The following TCTN1 variants were observed in gnomAD, a reference collection of about 807,000 sequenced individuals.
TCTN1 encodes the protein tectonic-1.
Under a neutral mutation model 65.8 loss-of-function variants are expected in TCTN1, and 58 were observed. The ratio of observed to expected loss-of-function variants is 0.88; its 90% CI spans 0.71 to 1.10. The LOEUF is 1.10. TCTN1 is among the 50% of genes least tolerant of loss of function. The pLI, the probability that TCTN1 is intolerant of heterozygous loss-of-function variation, is 0.00. For synonymous variants in TCTN1, 273 were observed against 289.1 expected, an observed-to-expected ratio of 0.94 and a Z score of 0.57; for missense variants, 645 against 719.4, an observed-to-expected ratio of 0.90 and a Z score of 1.18.
In TCTN1 at chr12:110,618,598, C is replaced by A. The variant is rs373451236; in HGVS notation, c.221-1238C>A. On this transcript the variant is annotated intron_variant, in intron 1 of 14. Transcript: ENST00000397659. ...CCATGTTGGCCAGGGCAGTCTCAAA[C>A]TCCTGACCTCAAGTGATCTGCCCGC... 7.9e-5 allele frequency among the ~76,000 whole-genome samples: 12 copies of A among 152,134 alleles called. 1 individual carries two copies. In the East Asian group the frequency reaches 2.3e-3, roughly 30 times the overall value.
rs750193695 is a variant in TCTN1, at chr12:110,634,679, T to C, written c.722T>C (p.Val241Ala). The C allele has an allele frequency of 6.2e-7, 1 of 1,607,422 alleles. No homozygotes were observed. Among genetic ancestry groups the C allele is most frequent in the Non-Finnish European group, 8.5e-7 (1 of 1,176,514 alleles). ...CTDNNPAAFLVNQAVKCTRKI... is the reference protein window; with the variant it reads ...CTDNNPAAFLANQAVKCTRKI... ...TGTTAATGATTTCTAGCGTTTCTGG[T>C]GAACCAGGCTGTTAAGTGCACCAGA... is the stretch of plus-strand genomic sequence containing the variant. Residue 241 changes from valine to alanine, a missense_variant, in exon 6 of 15, where the codon GTG becomes GCG. Physicochemically the swap from Val to Ala is moderately conservative, Grantham distance 64. Transcript: ENST00000397659.
intron 2 of TCTN1, among the ~76,000 whole-genome samples, chr12:110,625,349 C>T (rs756899901): frequency 6.6e-6 from 1 of 152,198 alleles, no homozygotes; most frequent in Non-Finnish European, 1.5e-5. Context: ...CCTCGAACTC[C>T]TAACCTCAAG....
intron 5 of TCTN1, among the ~76,000 whole-genome samples, chr12:110,633,550 T>G (rs2066365548): frequency 6.6e-6 from 1 of 151,694 alleles, no homozygotes; most frequent in Admixed American, 6.6e-5. Context: ...GGTAGGAGGA[T>G]TGCTTGAGCC....
At chr12:110,636,135 A>T (rs191664437) in intron 6 of TCTN1, 79 of 282,260 alleles carry the variant, frequency 2.8e-4, no homozygotes, top group African/African-American at 1.6e-3. Flanking sequence ...GTGCAGTGAG[A>T]GTGACCAGGA....
At chr12:110,628,653 GT>G (rs560416779) in intron 3 of TCTN1, 113 bp from the exon 4 acceptor site, 3 of 978,388 alleles carry the variant, frequency 3.1e-6, no homozygotes, top group Non-Finnish European at 4.5e-6. Flanking sequence ...GACACTATTT[GT>G]TTTTTACATC....
At chr12:110,645,350 C>T (rs2067229375) in intron 12 of TCTN1, 1 of 581,446 alleles carries the variant, frequency 1.7e-6, no homozygotes, top group Admixed American at 2.8e-5. Context: ...AATGGGAACG[C>T]TAGTCAATAG....
In TCTN1 at chr12:110,623,063, T is replaced by C. The variant is rs574812828; in HGVS notation, c.341+3107T>C. ...GTGGAGCCTTCCATCACTCTAGCCC[T>C]CGTGGTCGTCCATCCCTGCTCCTGC... On this transcript the variant is annotated intron_variant, in intron 2 of 14. Coordinates refer to ENST00000397659, the MANE Select transcript of TCTN1 (RefSeq NM_001082538.3). Among the ~76,000 whole-genome samples, 6 of 152,274 alleles carry C rather than the reference T, an allele frequency of 3.9e-5. No individual in the cohort carries two copies. In the South Asian group the frequency reaches 1.2e-3, roughly 32 times the overall value.
intron 4 of TCTN1, 134 bp from the exon 5 acceptor site, chr12:110,632,338 G>A: frequency 1.2e-6 from 1 of 848,594 alleles, no homozygotes; most frequent in South Asian, 1.3e-5. Flanking sequence ...TTGAGGGCAA[G>A]GACCACATCT....
Position 110,649,128 on chromosome 12 carries a change from C to T in TCTN1, c.*87C>T, listed in dbSNP as rs1062830. 1 of 666,512 alleles carries T rather than the reference C, an allele frequency of 1.5e-6. No individual in the cohort carries two copies. The highest frequency in any genetic ancestry group is 2.7e-6 in the Non-Finnish European group (1 of 364,596). The allele number at this position is 666,512 out of a possible 1,614,324, so 41.3% of individuals were successfully genotyped here. The stretch of plus-strand genomic sequence containing the variant: ...GAGATTAAATTTTATATACAACTAG[C>T]AATTGTCCAGCTTTGTTGCTCATTT... On this transcript the variant is annotated 3_prime_UTR_variant, in exon 15 of 15. Transcript: ENST00000397659.
At chr12:110,645,496 G>A in intron 12 of TCTN1, 1 of 332,770 alleles carries the variant, frequency 3.0e-6, no homozygotes, top group South Asian at 2.6e-5. Context: ...TGTGATTGCT[G>A]GTGTCCCCCG....
At position 110,618,430 on chromosome 12, in the gene TCTN1, G is replaced by A. The variant is rs1371450330; in HGVS notation, c.221-1406G>A. On this transcript the variant is annotated intron_variant, in intron 1 of 14. Transcript: ENST00000397659. ...TAGTTTTTATATTGTTAGTAGAGAC[G>A]GGGTTTCACCGTGTTAGCCAGGATG... 4.6e-5 allele frequency among the ~76,000 whole-genome samples: 7 copies of A among 152,146 alleles called. No individual in the cohort carries two copies. The South Asian group carries it at 1.0e-3, about 23-fold the overall frequency.
At chr12:110,622,130 T>A (rs1210625919) in intron 2 of TCTN1, among the ~76,000 whole-genome samples, 1 of 150,388 alleles carries the variant, frequency 6.6e-6, no homozygotes, top group Non-Finnish European at 1.5e-5. Flanking sequence ...AGAGCGAAAC[T>A]CCATAAAAAA....
Position 110,639,768 on chromosome 12 carries a change from CG to C in TCTN1, c.844-613del, listed in dbSNP as rs1565997378. On this transcript the variant is annotated intron_variant, in intron 7 of 14. Coordinates refer to ENST00000397659, the MANE Select transcript of TCTN1 (RefSeq NM_001082538.3). This position sits in a 1 kb window ranked among gnomAD's most constrained non-coding sequence, Gnocchi z 4.9. Reference sequence around the variant, plus strand: ...GTTGTGCAACCATCACCACTAATTCCGGAACATTTCCATCACCCCAAAAAGG... The same window carrying C: ...GTTGTGCAACCATCACCACTAATTCCGAACATTTCCATCACCCCAAAAAGG... Among the ~76,000 whole-genome samples, 1 of 152,150 alleles carries C rather than the reference CG, an allele frequency of 6.6e-6. No individual in the cohort carries two copies. The highest frequency in any genetic ancestry group is 2.4e-5 in the African/African-American group (1 of 41,416).
intron 12 of TCTN1, 146 bp downstream of exon 12, chr12:110,645,275 C>T: frequency 9.3e-7 from 1 of 1,076,746 alleles, no homozygotes; most frequent in Non-Finnish European, 1.4e-6. Flanking sequence ...GATTTTTGCC[C>T]CTTGTTAGCA....
chr12:110,628,823 A>G lies in TCTN1; in HGVS notation c.529A>G (p.Thr177Ala). The change falls in exon 4 of 15, where the codon ACA becomes GCA. Residue 177 changes from threonine to alanine, a missense_variant. By Grantham distance (58) the Thr-to-Ala change is moderately conservative. Transcript: ENST00000397659. ...AGTACCTGATGAAAACAATTTTGAT[A>G]CATTGATGAAAACATCTGATGGTTT... Reference protein sequence around the residue: ...PEVPDENNFDTLMKTSDGFTL... With the variant: ...PEVPDENNFDALMKTSDGFTL... 6.2e-7 allele frequency: 1 copy of G among 1,612,896 alleles called. No homozygotes were observed. Among genetic ancestry groups the G allele is most frequent in the Non-Finnish European group, 8.5e-7 (1 of 1,179,180 alleles).
Position 110,639,926 on chromosome 12 carries a change from G to T in TCTN1, c.844-457G>T, listed in dbSNP as rs766987823. Among the ~76,000 whole-genome samples the T allele has an allele frequency of 3.7e-4, 57 of 152,258 alleles. No individual in the cohort carries two copies. The highest frequency in any genetic ancestry group is 1.3e-3 in the African/African-American group (56 of 41,546). ...CCGTATAAATGGAATTAGAACTGTG[G>T]CCTTTTGTGTCTGGCTTCCATGACT... On this transcript the variant is annotated intron_variant, in intron 7 of 14. Transcript: ENST00000397659. The surrounding 1 kb of genome is among the most constrained non-coding windows in gnomAD (Gnocchi z 4.9).
chr12:110,628,644 ACACTATTT>A, intron 3 of TCTN1, 115 bp from the exon 4 acceptor site: 1 of 904,844 alleles, frequency 1.1e-6, no homozygotes, highest in South Asian at 1.7e-5. Context: ...CCCAGCCAAG[ACACTATTT>A]GTTTTTTACA....
intron 2 of TCTN1, among the ~76,000 whole-genome samples, chr12:110,621,585 G>T (rs746501015): frequency 7.3e-5 from 11 of 151,382 alleles, no homozygotes; most frequent in Non-Finnish European, 1.5e-4. Flanking sequence ...CAATTTTCCT[G>T]CCTCAGCCTC....
Position 110,640,636 on chromosome 12 carries a change from T to G in TCTN1, c.978+119T>G, listed in dbSNP as rs2066896177. ...TCCCAGCCCATGGTGTGGCTTTTCT[T>G]GGCTCAGCTGCCTGCTTGTCTTTCT... On this transcript the variant is annotated intron_variant, in intron 8 of 14. Transcript: ENST00000397659. The surrounding 1 kb of genome is among the most constrained non-coding windows in gnomAD (Gnocchi z 4.9). The G allele has an allele frequency of 7.1e-7, 1 of 1,407,752 alleles. No individual in the cohort carries two copies. The highest frequency in any genetic ancestry group is 1.8e-5 in the Admixed American group (1 of 56,592). 87.2% of individuals were successfully genotyped at this position (1,407,752 alleles called of 1,614,324 possible). A position where few individuals can be genotyped will look rare whatever the true frequency, so the allele number is the denominator to read the frequency against.
Sources: gnomAD v4.1 joint callset for allele counts (sites outside exome capture counted in the v4.1 genomes callset) on GRCh38, gnomAD v4.1.1 for gene constraint, Gnocchi (gnomAD v3.1) non-coding constraint, MANE v1.5 for transcripts, NCBI Gene and HGNC (gene_info 2026-07-23, HGNC 2026-07-21) for gene names.